The following MUC12 variants were observed in gnomAD, a reference collection of about 807,000 sequenced individuals.
MUC12 encodes the protein mucin-12.
MUC12 carries 172 observed loss-of-function variants against 230.8 expected under a neutral mutation model. The observed-to-expected ratio is 0.75, with a 90% CI of 0.66 to 0.85. MUC12 has a LOEUF of 0.85. Among genes scored for constraint, MUC12 ranks in the 40% least tolerant of loss-of-function variants. The pLI, the probability that MUC12 is intolerant of heterozygous loss-of-function variation, is 0.00. For synonymous variants in MUC12, 1,259 were observed against 2,401.9 expected (o/e 0.52, Z 13.91); for missense variants, 3,506 against 5,920.6 (o/e 0.59, Z 13.38).
intron 9 of MUC12, among the ~76,000 whole-genome samples, chr7:101,014,744 C>G (rs1424984370): frequency 6.6e-6 from 1 of 151,950 alleles, no homozygotes; most frequent in Admixed American, 6.6e-5. Flanking sequence ...TCCCAAAGTG[C>G]TGGGATTACA....
chr7:101,012,789 TCCATCTTCCTTC>T lies in MUC12; in HGVS notation c.15404-24_15404-13del, dbSNP rs1463227090. 6.5e-7 allele frequency: 1 copy of T among 1,533,882 alleles called. No individual in the cohort carries two copies. The highest frequency in any genetic ancestry group is 8.7e-7 in the Non-Finnish European group (1 of 1,143,910). On this transcript the variant is annotated intron_variant, in intron 6 of 11. Coordinates refer to ENST00000536621, the MANE Select transcript of MUC12 (RefSeq NM_001164462.2). ...GGGAGGCAGAGGGAAGTGTTTCTAT[TCCATCTTCCTTC>T]CCATCCACTCTCGGCAGAGGCCATA...
chr7:101,017,809 C>T, intron 11 of MUC12, 146 bp downstream of exon 11: 1 of 558,252 alleles, frequency 1.8e-6, no homozygotes, highest in Admixed American at 3.3e-5. Flanking sequence ...CTTCCCTTTC[C>T]CTTCCCCCTG....
rs1453785861 is a variant in MUC12, at chr7:100,991,699, C to T, written c.1136C>T (p.Thr379Ile). The T allele has an allele frequency of 4.2e-5, 64 of 1,537,872 alleles. No homozygotes were observed. The highest frequency in any genetic ancestry group is 5.0e-5 in the Non-Finnish European group (57 of 1,146,958). Residue 379 changes from threonine (T) to isoleucine (I), a missense_variant, in exon 2 of 12, where the codon ACT (threonine) becomes ATT (isoleucine). By Grantham distance (89) the Thr-to-Ile change is moderately conservative. Coordinates refer to ENST00000536621, the MANE Select transcript of MUC12 (RefSeq NM_001164462.2). Reference sequence around the variant, plus strand: ...ATGCACTTCCCTGAAAGCTCCACAACTTCAGGCCATAGTGAAGAATCAGCA... The same window carrying T: ...ATGCACTTCCCTGAAAGCTCCACAATTTCAGGCCATAGTGAAGAATCAGCA... ...QTMHFPESST[T>I]SGHSEESATF...
chr7:100,973,543 AT>A (rs1472716384), intron 1 of MUC12, among the ~76,000 whole-genome samples: 1 of 36,348 alleles, frequency 2.8e-5, no homozygotes, highest in South Asian at 7.8e-4. Flanking sequence ...AAATAAATCT[AT>A]TTTTTTAAAT....
chr7:100,984,216 T>A (rs1793152958), intron 1 of MUC12, among the ~76,000 whole-genome samples: 1 of 151,862 alleles, frequency 6.6e-6, no homozygotes, highest in African/African-American at 2.4e-5. Context: ...AGCGGACTGA[T>A]CTCTGTGAGG....
chr7:100,977,370 C>T (rs1461811397), intron 1 of MUC12, among the ~76,000 whole-genome samples: 1 of 144,194 alleles, frequency 6.9e-6, no homozygotes, highest in African/African-American at 2.6e-5. Flanking sequence ...CCTTCTCTAG[C>T]TTTTTTTTTT....
chr7:100,995,671 C>G lies in MUC12; in HGVS notation c.5108C>G (p.Pro1703Arg), dbSNP rs748217991. The G allele has an allele frequency of 3.3e-6, 5 of 1,537,102 alleles. 1 individual carries two copies. The African/African-American group carries it at 6.9e-5, about 21-fold the overall frequency. The change falls in exon 2 of 12, where the codon CCT (proline) becomes CGT (arginine). Residue 1703 changes from proline (P) to arginine (R), a missense_variant. Coordinates refer to ENST00000536621, the MANE Select transcript of MUC12 (RefSeq NM_001164462.2). ...PSSKDTMPAP[P>R]TTTSAFVELS... ...TCAAAGGACACTATGCCTGCACCTC[C>G]TACTACCACATCAGCCTTTGTTGAG...
In MUC12 at chr7:100,991,354, C is replaced by T; in HGVS notation, c.791C>T (p.Ser264Phe). 1 of 1,537,794 alleles carries T rather than the reference C, an allele frequency of 6.5e-7. No homozygotes were observed. Among genetic ancestry groups the T allele is most frequent in the Non-Finnish European group, 8.7e-7 (1 of 1,147,026 alleles). ...ACTGGATCGCCACACACAACACTGTCCCCTTCCAGCTCTACAACCCATGAG... is the reference window on the plus strand; with the variant it reads ...ACTGGATCGCCACACACAACACTGTTCCCTTCCAGCTCTACAACCCATGAG... ...SSTGSPHTTL[S>F]PSSSTTHEGE... The change falls in exon 2 of 12, where the codon TCC becomes TTC. Residue 264 changes from serine (S) to phenylalanine (F), a missense_variant. By Grantham distance (155) the Ser-to-Phe change is radical. Transcript: ENST00000536621.
At chr7:100,976,544 C>A (rs1793034067) in intron 1 of MUC12, among the ~76,000 whole-genome samples, 1 of 151,588 alleles carries the variant, frequency 6.6e-6, no homozygotes, top group African/African-American at 2.4e-5. Flanking sequence ...GTGGAGATTG[C>A]AGTGAGCTGA....
chr7:100,990,602 C>G (rs2116297479), intron 1 of MUC12, 29 bp from the exon 2 acceptor site: 1 of 1,536,982 alleles, frequency 6.5e-7, no homozygotes, highest in East Asian at 2.4e-5. Context: ...TAAATCATAG[C>G]ACTTTCTCTG....
intron 5 of MUC12, 41 bp from the exon 6 acceptor site, chr7:101,012,255 G>C: frequency 2.0e-6 from 3 of 1,532,684 alleles, no homozygotes; most frequent in Non-Finnish European, 2.6e-6. Flanking sequence ...TGCTGGCTGG[G>C]TGGTGACATG....
chr7:100,990,777 T>C lies in MUC12; in HGVS notation c.214T>C (p.Ser72Pro). 6.5e-7 allele frequency: 1 copy of C among 1,537,786 alleles called. No homozygotes were observed. The highest frequency in any genetic ancestry group is 2.4e-5 in the East Asian group (1 of 40,914). Residue 72 changes from serine to proline, a missense_variant, in exon 2 of 12, where the codon TCC becomes CCC. By Grantham distance (74) the Ser-to-Pro change is moderately conservative. Coordinates refer to ENST00000536621, the MANE Select transcript of MUC12 (RefSeq NM_001164462.2). ...TGCAACAAAACACTTCCTTGACAGC[T>C]CCACAAACTCAGGCCACAGTGAGGA... ...STATKHFLDSSTNSGHSEEST... is the reference protein window; with the variant it reads ...STATKHFLDSPTNSGHSEEST...
At chr7:101,006,801 G>T (rs1431870524) in intron 3 of MUC12, among the ~76,000 whole-genome samples, 1 of 151,786 alleles carries the variant, frequency 6.6e-6, no homozygotes, top group Non-Finnish European at 1.5e-5. Context: ...AATTTTTAGG[G>T]GTACATAGTA....
In MUC12 at chr7:100,995,715, G is replaced by A. The variant is rs545596210; in HGVS notation, c.5152G>A (p.Gly1718Ser). The change falls in exon 2 of 12, where the codon GGC (glycine) becomes AGC (serine). Residue 1718 changes from glycine (G) to serine (S), a missense_variant. Physicochemically the swap from Gly to Ser is moderately conservative, Grantham distance 56 (BLOSUM62 0). Transcript: ENST00000536621. ...AFVELSTTSH[G>S]SPSSTPTTHF... ...TGTTGAGCTATCTACAACCTCCCACGGCAGCCCGAGCTCAACTCCAACAAC... is the reference window on the plus strand; with the variant it reads ...TGTTGAGCTATCTACAACCTCCCACAGCAGCCCGAGCTCAACTCCAACAAC... 216 of 1,536,308 alleles carry A rather than the reference G, an allele frequency of 1.4e-4. 2 individuals carry two copies. In the African/African-American group the frequency reaches 1.9e-3, roughly 13 times the overall value.
chr7:101,018,470 TCCC>T, intron 11 of MUC12, 122 bp from the exon 12 acceptor site: 3 of 98,878 alleles, frequency 3.0e-5, no homozygotes, highest in South Asian at 2.6e-4. Flanking sequence ...ACTCCCTCCC[TCCC>T]CCTGGGACTC....
chr7:100,986,430 GA>G (rs978798071), intron 1 of MUC12, among the ~76,000 whole-genome samples: 23 of 129,772 alleles, frequency 1.8e-4, no homozygotes, highest in East Asian at 5.8e-4. Flanking sequence ...AAAAAAAAAA[GA>G]AAAAAAAAGC....
intron 3 of MUC12, among the ~76,000 whole-genome samples, chr7:101,007,978 G>GT (rs1793781684): frequency 7.9e-6 from 1 of 126,856 alleles, no homozygotes; most frequent in Non-Finnish European, 1.7e-5. Flanking sequence ...TTTTTTTTTT[G>GT]TATTTTTAGT....
Position 100,991,614 on chromosome 7 carries a change from AC to A in MUC12, c.1053del (p.Ser352GlnfsTer56). The A allele has an allele frequency of 6.5e-7, 1 of 1,536,726 alleles. No homozygotes were observed. Among genetic ancestry groups the A allele is most frequent in the Non-Finnish European group, 8.7e-7 (1 of 1,146,354 alleles). ...ATTPPPARSA[T>X]SGHVEESTAY... Reference sequence around the variant, plus strand: ...AACACCCCCACCTGCCCGCTCCGCGACCTCAGGCCATGTTGAAGAATCTACA... The same window carrying A: ...AACACCCCCACCTGCCCGCTCCGCGACTCAGGCCATGTTGAAGAATCTACA... On this transcript the variant is annotated frameshift_variant, in exon 2 of 12. Coordinates refer to ENST00000536621, the MANE Select transcript of MUC12 (RefSeq NM_001164462.2). LOFTEE classifies it high-confidence loss of function.
chr7:100,992,450 A>C lies in MUC12; in HGVS notation c.1887A>C (p.Gly629=). The change falls in exon 2 of 12, where the codon GGA becomes GGC. Residue 629 remains glycine (G), a synonymous_variant. Transcript: ENST00000536621. ...CTGCCGGCTCTACAACCCGTCAGGGAGAATCTACCACATTCCATAGCTGGC... is the reference window on the plus strand; with the variant it reads ...CTGCCGGCTCTACAACCCGTCAGGGCGAATCTACCACATTCCATAGCTGGC... The part of the protein sequence containing the change: ...LSPAGSTTRQ[G]ESTTFHSWPS... 1 of 1,537,968 alleles carries C rather than the reference A, an allele frequency of 6.5e-7. No individual in the cohort carries two copies. The highest frequency in any genetic ancestry group is 8.7e-7 in the Non-Finnish European group (1 of 1,147,058).
Sources: allele counts gnomAD v4.1 joint callset (sites outside exome capture counted in the v4.1 genomes callset), GRCh38; gene constraint gnomAD v4.1.1; transcripts MANE v1.5; gene names NCBI Gene and HGNC (gene_info 2026-07-23, HGNC 2026-07-21).